The following ZNF438 variants were observed in gnomAD, a reference collection of about 807,000 sequenced individuals.
The protein encoded by ZNF438 is zinc finger protein 438.
A neutral mutation model predicts 38.0 loss-of-function variants in ZNF438; 25 were observed. The ratio of observed to expected loss-of-function variants is 0.66; its 90% CI spans 0.48 to 0.92. ZNF438 has a LOEUF of 0.92. Ranked by LOEUF, ZNF438 falls within the 40% of genes least tolerant of loss-of-function variation. The probability of loss-of-function intolerance (pLI) is 0.00; values close to 1 mark genes in which losing one functional copy is unlikely to be tolerated. For synonymous variants in ZNF438, 372 were observed against 364.1 expected (o/e 1.02, Z -0.25); for missense variants, 1,007 against 999.6 (o/e 1.01, Z -0.10).
intron 1 of ZNF438, among the ~76,000 whole-genome samples, chr10:30,957,859 T>C (rs563587025): frequency 8.5e-6 from 1 of 117,374 alleles, no homozygotes; most frequent in South Asian, 2.6e-4. Context: ...CTAATTCTTA[T>C]TACTGATTCA....
intron 1 of ZNF438, among the ~76,000 whole-genome samples, chr10:31,016,888 C>T (rs2056235527): frequency 6.6e-6 from 1 of 152,164 alleles, no homozygotes; most frequent in Non-Finnish European, 1.5e-5. Context: ...CTGAAATAGT[C>T]ATCTCCTTTC....
chr10:30,862,821 G>C (rs1194806006), intron 4 of ZNF438, among the ~76,000 whole-genome samples: 1 of 152,188 alleles, frequency 6.6e-6, no homozygotes, highest in Non-Finnish European at 1.5e-5. Context: ...TGAAACTAAA[G>C]TGGTAAAGAT....
intron 1 of ZNF438, among the ~76,000 whole-genome samples, chr10:30,991,191 T>C (rs547430120): frequency 2.2e-4 from 33 of 152,282 alleles, no homozygotes; most frequent in South Asian, 1.9e-3. Flanking sequence ...GTCAAGAATA[T>C]GGGGGCTCCT....
At chr10:30,985,611 A>G (rs1270632567) in intron 1 of ZNF438, among the ~76,000 whole-genome samples, 3 of 152,246 alleles carry the variant, frequency 2.0e-5, no homozygotes, top group Non-Finnish European at 4.4e-5. Context: ...TAGAATATGA[A>G]ACACTTGACA....
intron 3 of ZNF438, among the ~76,000 whole-genome samples, chr10:30,899,559 T>TGTGA (rs1040529887): frequency 1.7e-4 from 26 of 152,218 alleles, no homozygotes; most frequent in African/African-American, 5.8e-4. Flanking sequence ...CATTGAAAAA[T>TGTGA]TCACCTTATT....
chr10:30,855,436 A>C (rs2034452271), intron 4 of ZNF438, among the ~76,000 whole-genome samples: 1 of 152,230 alleles, frequency 6.6e-6, no homozygotes, highest in Admixed American at 6.5e-5. Flanking sequence ...TGAAAAGATA[A>C]GGTCTTGTTG....
chr10:31,009,839 AT>A (rs2055498373), intron 1 of ZNF438, among the ~76,000 whole-genome samples: 1 of 144,804 alleles, frequency 6.9e-6, no homozygotes, highest in Non-Finnish European at 1.5e-5. Flanking sequence ...GTTCTTATCA[AT>A]TCTTTTTTTT....
At chr10:31,017,533 A>C (rs925626280) in intron 1 of ZNF438, among the ~76,000 whole-genome samples, 3 of 152,240 alleles carry the variant, frequency 2.0e-5, no homozygotes, top group African/African-American at 7.2e-5. Flanking sequence ...TGCCTCAGTC[A>C]GTTCCACAAG....
Position 30,947,846 on chromosome 10 carries a change from C to T in ZNF438, c.-191-6195G>A, listed in dbSNP as rs371924016. 4.2e-3 allele frequency among the ~76,000 whole-genome samples: 643 copies of T among 151,628 alleles called. 7 individuals are homozygous for T. The highest frequency in any genetic ancestry group is 0.014 in the African/African-American group (588 of 41,318). ...GGAAAGGGAACTCCCTGACCCCTTG[C>T]GCTTCCCAAGTGAGGCAATGCCTCG... is the stretch of plus-strand genomic sequence containing the variant. On this transcript the variant is annotated intron_variant, in intron 1 of 5. Transcript: ENST00000413025.
At chr10:30,926,097 T>C (rs770809142) in intron 2 of ZNF438, among the ~76,000 whole-genome samples, 3 of 152,140 alleles carry the variant, frequency 2.0e-5, no homozygotes, top group African/African-American at 2.4e-5. Context: ...TCTTTGGTGA[T>C]TGAAGTGAAA....
intron 4 of ZNF438, chr10:30,857,604 A>G: frequency 1.7e-6 from 2 of 1,191,506 alleles, no homozygotes; most frequent in South Asian, 1.5e-5. Flanking sequence ...AAGCCCACTT[A>G]TTAGAGATAA....
intron 1 of ZNF438, among the ~76,000 whole-genome samples, chr10:30,944,700 T>C (rs933656471): frequency 6.6e-6 from 1 of 152,120 alleles, no homozygotes; most frequent in Non-Finnish European, 1.5e-5. Flanking sequence ...TTTTATGCTG[T>C]ATTTTTCAAG....
chr10:31,020,887 GAC>G (rs1194974885), intron 1 of ZNF438, among the ~76,000 whole-genome samples: 1 of 151,806 alleles, frequency 6.6e-6, no homozygotes, highest in Non-Finnish European at 1.5e-5. Context: ...TGTCAACAGA[GAC>G]AAGAATCAGA....
chr10:30,902,412 G>A (rs2042118449), intron 3 of ZNF438, among the ~76,000 whole-genome samples: 1 of 151,978 alleles, frequency 6.6e-6, no homozygotes, highest in African/African-American at 2.4e-5. Flanking sequence ...TACAAACCTT[G>A]AGCTAGATAC....
intron 1 of ZNF438, among the ~76,000 whole-genome samples, chr10:31,030,586 C>T (rs2057223200): frequency 6.6e-6 from 1 of 152,226 alleles, no homozygotes; most frequent in Admixed American, 6.5e-5. Flanking sequence ...GTGACTTGTC[C>T]TTGGACACGA....
intron 1 of ZNF438, among the ~76,000 whole-genome samples, chr10:30,962,319 C>T (rs1461982590): frequency 2.0e-5 from 3 of 147,332 alleles, no homozygotes; most frequent in African/African-American, 7.3e-5. Context: ...TCCTCCCAAC[C>T]TATGCCCCAG....
chr10:30,869,920 G>A (rs1239292186), intron 4 of ZNF438, among the ~76,000 whole-genome samples: 1 of 152,198 alleles, frequency 6.6e-6, no homozygotes, highest in African/African-American at 2.4e-5. Context: ...TCAAATTACA[G>A]TGGTACTCCT....
chr10:30,919,580 C>T (rs146890591), intron 2 of ZNF438: 205 of 152,168 alleles, frequency 1.3e-3, no homozygotes, highest in African/African-American at 4.7e-3. Flanking sequence ...TGATTTTGGT[C>T]ACTTTTTTCT....
chr10:30,998,419 T>A (rs1338789907), intron 1 of ZNF438, among the ~76,000 whole-genome samples: 2 of 151,416 alleles, frequency 1.3e-5, no homozygotes, highest in Admixed American at 1.3e-4. Context: ...GGCGGGCCCC[T>A]GTAGTCCCAG....
Sources: allele counts gnomAD v4.1 joint callset (sites outside exome capture counted in the v4.1 genomes callset), GRCh38; gene constraint gnomAD v4.1.1; transcripts MANE v1.5; gene names NCBI Gene and HGNC (gene_info 2026-07-23, HGNC 2026-07-21).